TTLL8: variants seen among roughly 807,000 people sequenced by gnomAD.
TTLL8 encodes tubulin tyrosine ligase like 8.
Under a neutral mutation model 77.8 loss-of-function variants are expected in TTLL8, and 65 were observed. That is an observed-to-expected ratio of 0.84 (90% CI 0.68 to 1.03). TTLL8 has a LOEUF of 1.03. Among genes scored for constraint, TTLL8 ranks in the 50% least tolerant of loss-of-function variants. The pLI, the probability that TTLL8 is intolerant of heterozygous loss-of-function variation, is 0.00. For synonymous variants in TTLL8, 402 were observed against 422.8 expected (o/e 0.95, Z 0.60); for missense variants, 910 against 1,004.5 (o/e 0.91, Z 1.27).
At chr22:50,032,385 C>T (rs2061303135) in intron 10 of TTLL8, among the ~76,000 whole-genome samples, 1 of 152,230 alleles carries the variant, frequency 6.6e-6, no homozygotes, top group African/African-American at 2.4e-5. Flanking sequence ...TTCTCACTGC[C>T]CTGCCTGGGA....
In TTLL8 at chr22:50,034,897, C is replaced by A. The variant is rs938842161; in HGVS notation, c.922-435G>T. Among the ~76,000 whole-genome samples the A allele has an allele frequency of 2.0e-4, 31 of 152,152 alleles. No homozygotes were observed. Among genetic ancestry groups the A allele is most frequent in the African/African-American group, 7.2e-4 (30 of 41,420 alleles). On this transcript the variant is annotated intron_variant, in intron 8 of 13. Coordinates refer to ENST00000266182, the Ensembl canonical transcript of TTLL8. This position sits in a 1 kb window ranked among gnomAD's most constrained non-coding sequence, Gnocchi z 4.1. Reference sequence around the variant, plus strand: ...TGTGGTTGGTGGTGCCTGGGACCGACCCCTGGTAGGAAAGTGGCCGGCCCG... The same window carrying A: ...TGTGGTTGGTGGTGCCTGGGACCGAACCCTGGTAGGAAAGTGGCCGGCCCG...
chr22:50,055,116 G>A (rs184302432), upstream of TTLL8: 9 of 1,174,278 alleles, frequency 7.7e-6, no homozygotes, highest in Admixed American at 3.1e-4. Context: ...CCACAGGGAG[G>A]AGGCTGCAGC....
chr22:50,045,419 T>C (rs1463467444), intron 5 of TTLL8, 30 bp from the exon 8 acceptor site: 1 of 1,361,972 alleles, frequency 7.3e-7, no homozygotes, highest in South Asian at 1.1e-5. Flanking sequence ...TCGCCCTATC[T>C]GTCCGAGCCA....
At chr22:50,047,133 C>A in intron 4 of TTLL8, 35 bp downstream of exon 6, 2 of 1,364,266 alleles carry the variant, frequency 1.5e-6, no homozygotes, top group South Asian at 1.1e-5. Flanking sequence ...ACCACCCTTG[C>A]CGGCTCCCGC....
rs376492741 is a variant in TTLL8, at chr22:50,050,093, G to A, written c.190+16C>T. 109 of 1,365,182 alleles carry A rather than the reference G, an allele frequency of 8.0e-5. 2 individuals carry two copies. The South Asian group carries it at 8.8e-4, about 11-fold the overall frequency. The allele number at this position is 1,365,182 out of a possible 1,614,324, so 84.6% of individuals were successfully genotyped here. A position where few individuals can be genotyped will look rare whatever the true frequency, so the allele number is the denominator to read the frequency against. On this transcript the variant is annotated intron_variant, in intron 2 of 13. Coordinates refer to ENST00000266182, the Ensembl canonical transcript of TTLL8. ...GCACACGCCCTGAGCTGAGACGTGC[G>A]CCTCCGATACGCTACCATTGACCCG...
intron 12 of TTLL8, among the ~76,000 whole-genome samples, chr22:50,027,892 C>T (rs572616129): frequency 5.9e-5 from 9 of 152,258 alleles, no homozygotes; most frequent in African/African-American, 1.4e-4. Context: ...AACGCTCGTA[C>T]GCACGGGTTG....
chr22:50,047,150 C>T lies in TTLL8; in HGVS notation c.393+18G>A, dbSNP rs763414988. On this transcript the variant is annotated intron_variant, in intron 4 of 13. Transcript: ENST00000266182. ...CACCCTTGCCGGCTCCCGCCACGCTCAAGCGCGGCCGGCTCACCTTGGTGG... is the reference window on the plus strand; with the variant it reads ...CACCCTTGCCGGCTCCCGCCACGCTTAAGCGCGGCCGGCTCACCTTGGTGG... 5.9e-5 allele frequency: 81 copies of T among 1,366,852 alleles called. 3 individuals are homozygous for T. The South Asian group carries it at 8.6e-4, about 15-fold the overall frequency. 84.7% of individuals were successfully genotyped at this position (1,366,852 alleles called of 1,614,324 possible).
intron 2 of TTLL8, among the ~76,000 whole-genome samples, chr22:50,049,813 G>C (rs887003409): frequency 1.3e-5 from 2 of 152,148 alleles, no homozygotes; most frequent in African/African-American, 2.4e-5. Flanking sequence ...GCTGGAGGAG[G>C]GACAGCTGAG....
Position 50,050,104 on chromosome 22 carries a change from G to A in TTLL8, c.190+5C>T, listed in dbSNP as rs192707644. 3.0e-5 allele frequency: 41 copies of A among 1,366,484 alleles called. No individual in the cohort carries two copies. The highest frequency in any genetic ancestry group is 2.7e-4 in the African/African-American group (18 of 67,834). The allele number at this position is 1,366,484 out of a possible 1,614,324, so 84.6% of individuals were successfully genotyped here. On this transcript the variant is annotated splice_donor_5th_base_variant and intron_variant, in intron 2 of 13. Transcript: ENST00000266182. ...GAGCTGAGACGTGCGCCTCCGATAC[G>A]CTACCATTGACCCGGGCGCCTTCAT...
intron 6 of TTLL8, among the ~76,000 whole-genome samples, chr22:50,043,366 G>C (rs1401822223): frequency 1.1e-5 from 1 of 92,632 alleles, no homozygotes; most frequent in African/African-American, 4.6e-5. Context: ...CCCTTCGGTA[G>C]ATGGATAGAT....
rs2061325057 is a variant in TTLL8 at position 50,034,857 on chromosome 22, T to C, written c.922-395A>G. 6.6e-6 allele frequency among the ~76,000 whole-genome samples: 1 copy of C among 152,126 alleles called. No individual in the cohort carries two copies. The highest frequency in any genetic ancestry group is 1.5e-5 in the Non-Finnish European group (1 of 68,008). ...ACACAGGCGGGGGCAGACGCAGCCA[T>C]GCCCAGCTTCCGCCTGTGGTTGGTG... On this transcript the variant is annotated intron_variant, in intron 8 of 13. Transcript: ENST00000266182. The surrounding 1 kb of genome is among the most constrained non-coding windows in gnomAD (Gnocchi z 4.1).
rs199955966 is a variant in TTLL8 at position 50,050,073 on chromosome 22, C to T, written c.190+36G>A. The T allele has an allele frequency of 2.9e-4, 390 of 1,360,526 alleles. No individual in the cohort carries two copies. The African/African-American group carries it at 4.8e-3, about 17-fold the overall frequency. The allele number at this position is 1,360,526 out of a possible 1,614,324, so 84.3% of individuals were successfully genotyped here. A position where few individuals can be genotyped will look rare whatever the true frequency, so the allele number is the denominator to read the frequency against. ...TCCTCCTGCCCGTGACAGACGCACACGCCCTGAGCTGAGACGTGCGCCTCC... is the reference window on the plus strand; with the variant it reads ...TCCTCCTGCCCGTGACAGACGCACATGCCCTGAGCTGAGACGTGCGCCTCC... On this transcript the variant is annotated intron_variant, in intron 2 of 13. Transcript: ENST00000266182.
Position 50,041,742 on chromosome 22 carries a change from C to T in TTLL8, c.709G>A (p.Val237Met), listed in dbSNP as rs2061372747. Residue 237 changes from valine to methionine, a missense_variant, in exon 7 of 14, where the codon GTG (valine) becomes ATG (methionine). Coordinates refer to ENST00000266182, the Ensembl canonical transcript of TTLL8. This position sits in a 1 kb window ranked among gnomAD's most constrained non-coding sequence, Gnocchi z 4.3. ...AGCTGCCCCAGGTAGGCCTGGCACA[C>T]CTTGCACGCGATGTCCACAAGCTGC... 7.3e-7 allele frequency: 1 copy of T among 1,365,772 alleles called. No individual in the cohort carries two copies. The highest frequency in any genetic ancestry group is 9.8e-7 in the Non-Finnish European group (1 of 1,021,174). The allele number at this position is 1,365,772 out of a possible 1,614,324, so 84.6% of individuals were successfully genotyped here.
intron 12 of TTLL8, among the ~76,000 whole-genome samples, chr22:50,023,598 T>A (rs957305432): frequency 9.9e-5 from 15 of 152,112 alleles, no homozygotes; most frequent in African/African-American, 3.6e-4. Flanking sequence ...GGCAGGATAA[T>A]CGCTTGAACC....
intron 8 of TTLL8, among the ~76,000 whole-genome samples, chr22:50,038,432 C>T (rs1384910505): frequency 6.6e-6 from 1 of 152,014 alleles, no homozygotes; most frequent in Non-Finnish European, 1.5e-5. Context: ...TGAGCAACTT[C>T]GTCTCATTCT....
At chr22:50,043,751 G>A (rs112163875) in intron 6 of TTLL8, among the ~76,000 whole-genome samples, 1 of 152,260 alleles carries the variant, frequency 6.6e-6, no homozygotes, top group African/African-American at 2.4e-5. Flanking sequence ...TTACTAAGTC[G>A]AAGAAGCCCA....
chr22:50,029,967 T>TG (rs1256194708), intron 12 of TTLL8, among the ~76,000 whole-genome samples: 1 of 150,408 alleles, frequency 6.6e-6, no homozygotes, highest in Non-Finnish European at 1.5e-5. Context: ...AAGAGCCCGA[T>TG]GGGGGCCGGG....
At chr22:50,057,429 G>GCA (rs1357955420), upstream of TTLL8, among the ~76,000 whole-genome samples, 1 of 113,842 alleles carries the variant, frequency 8.8e-6, no homozygotes, top group Non-Finnish European at 1.8e-5. Flanking sequence ...TGGGTTGGGG[G>GCA]TCAGGTCTGG....
Position 50,044,504 on chromosome 22 carries a change from A to T in TTLL8, c.643+751T>A, listed in dbSNP as rs568760379. Among the ~76,000 whole-genome samples the T allele has an allele frequency of 3.9e-4, 59 of 152,292 alleles. No homozygotes were observed. The highest frequency in any genetic ancestry group is 1.4e-3 in the African/African-American group (58 of 41,566). ...TGAAGCCACCGCTCCAGCGTTCACC[A>T]ATCAGGATTTATTTCCTCTGTTTCC... On this transcript the variant is annotated intron_variant, in intron 6 of 13. Transcript: ENST00000266182. This position sits in a 1 kb window ranked among gnomAD's most constrained non-coding sequence, Gnocchi z 4.2.
Sources: allele counts gnomAD v4.1 joint callset (sites outside exome capture counted in the v4.1 genomes callset), GRCh38; gene constraint gnomAD v4.1.1; non-coding constraint Gnocchi (gnomAD v3.1); transcripts MANE v1.5; gene names NCBI Gene and HGNC (gene_info 2026-07-23, HGNC 2026-07-21).